Variants in POLA1 observed in about 807,000 individuals in gnomAD.
POLA1 encodes DNA polymerase alpha 1, catalytic subunit, also known as DNA polymerase alpha catalytic subunit.
In POLA1, 15 loss-of-function variants were observed where a neutral mutation model predicts 124.0. The observed-to-expected ratio is 0.12, with a 90% CI of 0.08 to 0.19. The LOEUF (loss-of-function observed/expected upper bound fraction) is 0.19. Ranked by LOEUF, POLA1 falls within the 10% of genes least tolerant of loss-of-function variation. The pLI, the probability that POLA1 is intolerant of heterozygous loss-of-function variation, is 1.00. For missense variants in POLA1, 886 were observed against 1,103.4 expected (o/e 0.80, Z 2.79); for synonymous variants, 408 against 389.4 (o/e 1.05, Z -0.56).
intron 35 of POLA1, among the ~76,000 whole-genome samples, chrX:24,924,095 A>G (rs1003732333): frequency 8.9e-6 from 1 of 112,084 alleles, no homozygotes; most frequent in African/African-American, 3.2e-5. Flanking sequence ...TTCCTTAGAC[A>G]AAACTTTCTG....
chrX:24,881,807 C>T (rs887049279), intron 34 of POLA1, among the ~76,000 whole-genome samples: 4 of 111,560 alleles, frequency 3.6e-5, no homozygotes, highest in Admixed American at 2.9e-4. Flanking sequence ...ACCTTTTAGG[C>T]AGAGGTTCTC....
intron 36 of POLA1, among the ~76,000 whole-genome samples, chrX:24,957,172 G>A (rs750976071): frequency 4.5e-5 from 5 of 111,721 alleles, no homozygotes; most frequent in Non-Finnish European, 9.4e-5. Flanking sequence ...ATGCCTTTAG[G>A]ACCATGATGA....
intron 26 of POLA1, among the ~76,000 whole-genome samples, chrX:24,790,358 C>G (rs2045467865): frequency 8.9e-6 from 1 of 112,131 alleles, no homozygotes; most frequent in Non-Finnish European, 1.9e-5. Context: ...CCTTTATACT[C>G]TTTTATTTAG....
chrX:24,756,332 C>A (rs901738259), intron 26 of POLA1, among the ~76,000 whole-genome samples: 4 of 110,585 alleles, frequency 3.6e-5, no homozygotes, highest in Non-Finnish European at 7.6e-5. Flanking sequence ...GAGGCTGAGG[C>A]GGGTGGATCA....
intron 11 of POLA1, 71 bp from the exon 12 acceptor site, chrX:24,724,264 T>G: frequency 1.9e-6 from 1 of 525,422 alleles, no homozygotes; most frequent in Non-Finnish European, 3.2e-6. Context: ...ACTTGGATTT[T>G]TGGTGGTTGA....
At chrX:24,732,605 T>TG (rs1468514791) in intron 16 of POLA1, 151 bp downstream of exon 16, 14 of 386,931 alleles carry the variant, frequency 3.6e-5, no homozygotes, top group South Asian at 1.6e-4. Context: ...TTTTGTTTTT[T>TG]TTTTTTTTGC....
At chrX:24,719,069 C>A (rs1212609719) in intron 10 of POLA1, among the ~76,000 whole-genome samples, 2 of 111,550 alleles carry the variant, frequency 1.8e-5, no homozygotes, top group Non-Finnish European at 3.8e-5. Context: ...ATACAGTATG[C>A]ACTCTTAAAC....
intron 26 of POLA1, among the ~76,000 whole-genome samples, chrX:24,785,111 T>G (rs1005413386): frequency 8.9e-6 from 1 of 112,380 alleles, no homozygotes; most frequent in African/African-American, 3.2e-5. Context: ...GGTTCTTAAG[T>G]GTTACAAATT....
chrX:24,907,604 A>T (rs2047387041), intron 35 of POLA1, among the ~76,000 whole-genome samples: 1 of 112,254 alleles, frequency 8.9e-6, no homozygotes, highest in African/African-American at 3.2e-5. Context: ...TTAAACAATT[A>T]TCAGTACAAA....
chrX:24,735,782 C>T (rs980395395), intron 18 of POLA1, among the ~76,000 whole-genome samples: 2 of 111,366 alleles, frequency 1.8e-5, no homozygotes, highest in African/African-American at 6.5e-5. Flanking sequence ...ATGGAGTTAT[C>T]GCCAAAATAT....
chrX:24,919,605 C>T (rs917844864), intron 35 of POLA1, among the ~76,000 whole-genome samples: 4 of 110,930 alleles, frequency 3.6e-5, no homozygotes, highest in African/African-American at 1.3e-4. Flanking sequence ...ATAAATTTTA[C>T]TTCTAGGAAC....
chrX:24,966,791 CCAAT>C (rs1480831151), intron 36 of POLA1, among the ~76,000 whole-genome samples: 6 of 111,888 alleles, frequency 5.4e-5, no homozygotes, highest in Non-Finnish European at 1.9e-5. Context: ...AAATGCTTGT[CCAAT>C]CAAGGATTCA....
At position 24,785,760 on chromosome X, in the gene POLA1, A is replaced by C. The variant is rs190233171; in HGVS notation, c.2965-24138A>C. 2.7e-3 allele frequency among the ~76,000 whole-genome samples: 307 copies of C among 112,069 alleles called. 3 individuals carry two copies. The highest frequency in any genetic ancestry group is 0.018 in the Middle Eastern group (4 of 218). ...ACATTGTGCAATGATTACCACAACC[A>C]AATTAACACGTCCATCACTATGCAT... On this transcript the variant is annotated intron_variant, in intron 26 of 36. Transcript: ENST00000379068.
chrX:24,878,324 G>A (rs1441627882), intron 34 of POLA1, among the ~76,000 whole-genome samples: 1 of 111,462 alleles, frequency 9.0e-6, no homozygotes, highest in Non-Finnish European at 1.9e-5. Flanking sequence ...ATAAATACTA[G>A]TCTCTGAGCA....
At chrX:24,776,584 A>G (rs1404608819) in intron 26 of POLA1, among the ~76,000 whole-genome samples, 1 of 112,252 alleles carries the variant, frequency 8.9e-6, no homozygotes, top group East Asian at 2.8e-4. Flanking sequence ...TCTATTTGCT[A>G]TTGATGACTG....
intron 34 of POLA1, among the ~76,000 whole-genome samples, chrX:24,886,141 C>T (rs985850089): frequency 8.1e-5 from 9 of 111,640 alleles, no homozygotes; most frequent in Admixed American, 5.7e-4. Flanking sequence ...GTTGGTACCA[C>T]GCAACTTGGT....
chrX:24,906,488 G>A (rs762418676), intron 35 of POLA1, among the ~76,000 whole-genome samples: 3 of 107,129 alleles, frequency 2.8e-5, no homozygotes, highest in African/African-American at 1.0e-4. Context: ...AGGATGCAAA[G>A]GCATAAGAAT....
At chrX:24,740,302 C>T (rs1480881949) in intron 20 of POLA1, among the ~76,000 whole-genome samples, 2 of 111,799 alleles carry the variant, frequency 1.8e-5, no homozygotes, top group Admixed American at 1.9e-4. Context: ...ACAGTAGATG[C>T]ATCAGGGTAT....
intron 35 of POLA1, 141 bp downstream of exon 35, chrX:24,888,263 A>G: frequency 2.5e-6 from 1 of 398,023 alleles, no homozygotes; most frequent in East Asian, 3.9e-5. Context: ...AAAAATACAG[A>G]TTTCAGAAAG....
Sources: allele counts gnomAD v4.1 joint callset (sites outside exome capture counted in the v4.1 genomes callset), GRCh38; gene constraint gnomAD v4.1.1; transcripts MANE v1.5; gene names NCBI Gene and HGNC (gene_info 2026-07-23, HGNC 2026-07-21).